The following MS4A13 variants were observed in gnomAD, a reference collection of about 807,000 sequenced individuals.
MS4A13 encodes the protein membrane spanning 4-domains A13.
MS4A13 carries 21 observed loss-of-function variants against 18.4 expected under a neutral mutation model. That is an observed-to-expected ratio of 1.14 (90% confidence interval 0.81 to 1.64). The LOEUF (loss-of-function observed/expected upper bound fraction) is 1.64. Among genes scored for constraint, MS4A13 ranks in the 40% most tolerant of loss-of-function variants. The probability of loss-of-function intolerance (pLI) is 0.00; values close to 1 mark genes in which losing one functional copy is unlikely to be tolerated. For synonymous variants in MS4A13, 62 were observed against 57.2 expected (o/e 1.08, Z -0.38); for missense variants, 173 against 176.8 (o/e 0.98, Z 0.12).
chr11:60,532,074 A>G (rs1312359398), intron 6 of MS4A13, among the ~76,000 whole-genome samples: 2 of 152,264 alleles, frequency 1.3e-5, no homozygotes, highest in Non-Finnish European at 2.9e-5. Context: ...GTTCAAAACA[A>G]CACTTAATAG....
At chr11:60,536,917 C>A (rs909467899) in intron 6 of MS4A13, among the ~76,000 whole-genome samples, 4 of 119,066 alleles carry the variant, frequency 3.4e-5, no homozygotes, top group African/African-American at 1.3e-4. Context: ...CAAAAACAAG[C>A]AATGGGGAAA....
chr11:60,518,850 T>C (rs912467143), intron 3 of MS4A13, among the ~76,000 whole-genome samples: 10 of 151,998 alleles, frequency 6.6e-5, no homozygotes, highest in Admixed American at 1.3e-4. Context: ...AAGAAAAAAA[T>C]AGGAAGAGAG....
In MS4A13 at chr11:60,541,783, A is replaced by G. The variant is rs201759279; in HGVS notation, c.403-736A>G. Among the ~76,000 whole-genome samples, 11 of 152,238 alleles carry G rather than the reference A, an allele frequency of 7.2e-5. No individual in the cohort carries two copies. In the East Asian group the frequency reaches 2.1e-3, roughly 29 times the overall value. On this transcript the variant is annotated intron_variant, in intron 6 of 6. Transcript: ENST00000378186. ...GTTTGAAGGTACACCAAAAGATACAAGTGATCCAACAGAAATTAAGAAAGT... is the reference window on the plus strand; with the variant it reads ...GTTTGAAGGTACACCAAAAGATACAGGTGATCCAACAGAAATTAAGAAAGT...
Position 60,518,211 on chromosome 11 carries a change from T to G in MS4A13, c.128T>G (p.Phe43Cys), listed in dbSNP as rs941826929. 2 of 1,607,728 alleles carry G rather than the reference T, an allele frequency of 1.2e-6. No individual in the cohort carries two copies. The highest frequency in any genetic ancestry group is 1.7e-6 in the Non-Finnish European group (2 of 1,176,514). Residue 43 changes from phenylalanine to cysteine, a missense_variant and splice_region_variant, in exon 3 of 7, where the codon TTT (phenylalanine) becomes TGT (cysteine). Transcript: ENST00000378186. ...YKTGCTLWGI[F>C]FIIAGVFLIR... ...ACAGGATGTACTTTATGGGGAATTT[T>G]TGTGAGTAGAATACATATATATTGC...
At chr11:60,532,477 G>A (rs143739057) in intron 6 of MS4A13, among the ~76,000 whole-genome samples, 2,130 of 152,312 alleles carry the variant, frequency 0.014, 25 homozygotes, top group African/African-American at 0.025. Context: ...CTCAAAAAAC[G>A]GCGCACCAGG....
At chr11:60,533,606 T>A (rs2086789279) in intron 6 of MS4A13, among the ~76,000 whole-genome samples, 1 of 108,342 alleles carries the variant, frequency 9.2e-6, no homozygotes, top group Admixed American at 1.1e-4. Context: ...CTGCAGGATA[T>A]TATCCAGGAG....
chr11:60,540,975 A>G (rs1360285749), intron 6 of MS4A13, among the ~76,000 whole-genome samples: 1 of 151,714 alleles, frequency 6.6e-6, no homozygotes, highest in Non-Finnish European at 1.5e-5. Context: ...AAAAAAAGGA[A>G]AGGAAAAGAA....
At chr11:60,525,889 T>G (rs1389346165) in intron 5 of MS4A13, among the ~76,000 whole-genome samples, 1 of 122,092 alleles carries the variant, frequency 8.2e-6, no homozygotes, top group Non-Finnish European at 1.7e-5. Flanking sequence ...TTTAATTATA[T>G]TGGCTTTAAA....
intron 6 of MS4A13, among the ~76,000 whole-genome samples, chr11:60,532,682 G>GGCCT (rs1270173150): frequency 2.0e-5 from 3 of 149,810 alleles, no homozygotes; most frequent in South Asian, 2.1e-4. Flanking sequence ...AGCTCAAGGA[G>GGCCT]GCCTGCCTGC....
intron 6 of MS4A13, among the ~76,000 whole-genome samples, chr11:60,529,830 T>A (rs1427328819): frequency 2.0e-5 from 3 of 152,248 alleles, no homozygotes; most frequent in South Asian, 2.1e-4. Flanking sequence ...ATTAGAAATA[T>A]CTTTCCATTA....
intron 6 of MS4A13, among the ~76,000 whole-genome samples, chr11:60,531,801 A>C (rs1470449339): frequency 6.6e-6 from 1 of 152,134 alleles, no homozygotes; most frequent in East Asian, 1.9e-4. Flanking sequence ...TTCTAAGCTC[A>C]CCAGTCATAT....
At chr11:60,541,377 G>A (rs1178584253) in intron 6 of MS4A13, among the ~76,000 whole-genome samples, 1 of 152,138 alleles carries the variant, frequency 6.6e-6, no homozygotes, top group Non-Finnish European at 1.5e-5. Context: ...AACACAGGTG[G>A]GTGAGTGATG....
intron 6 of MS4A13, among the ~76,000 whole-genome samples, chr11:60,539,376 A>T (rs914234906): frequency 1.3e-5 from 2 of 152,018 alleles, no homozygotes; most frequent in Non-Finnish European, 2.9e-5. Context: ...AACAGAGGTG[A>T]GCTGACAAAA....
chr11:60,532,637 C>T (rs1022827462), intron 6 of MS4A13, among the ~76,000 whole-genome samples: 1 of 151,814 alleles, frequency 6.6e-6, no homozygotes, highest in African/African-American at 2.4e-5. Context: ...GTAAACAAAG[C>T]AGCCTGGAAG....
chr11:60,524,829 T>G (rs1396554722), intron 4 of MS4A13, among the ~76,000 whole-genome samples: 6 of 152,000 alleles, frequency 3.9e-5, no homozygotes. Flanking sequence ...CCGGCTAATT[T>G]TTTTGTATTT....
intron 6 of MS4A13, among the ~76,000 whole-genome samples, chr11:60,541,346 T>C (rs527552747): frequency 2.0e-5 from 3 of 152,350 alleles, no homozygotes; most frequent in South Asian, 2.1e-4. Context: ...GTATTATTCA[T>C]AGTAGTCCCA....
intron 5 of MS4A13, among the ~76,000 whole-genome samples, chr11:60,526,009 A>G (rs1190874570): frequency 6.6e-6 from 1 of 152,076 alleles, no homozygotes; most frequent in East Asian, 1.9e-4. Flanking sequence ...TGACCAACAG[A>G]ACAAAACAAA....
intron 6 of MS4A13, among the ~76,000 whole-genome samples, chr11:60,531,329 A>C (rs2086765183): frequency 6.6e-6 from 1 of 152,192 alleles, no homozygotes; most frequent in Non-Finnish European, 1.5e-5. Context: ...CAACAGAGAA[A>C]TTTGAAGAAC....
intron 6 of MS4A13, among the ~76,000 whole-genome samples, chr11:60,541,965 G>T (rs12223063): frequency 0.018 from 2,758 of 152,116 alleles, 161 homozygotes; most frequent in East Asian, 0.14. Context: ...GCCAGGCATG[G>T]TGGCACAGGC....
Sources: allele counts gnomAD v4.1 joint callset (sites outside exome capture counted in the v4.1 genomes callset), GRCh38; gene constraint gnomAD v4.1.1; transcripts MANE v1.5; gene names NCBI Gene and HGNC (gene_info 2026-07-23, HGNC 2026-07-21).